Variants in MAPKAP1 observed in about 807,000 individuals in gnomAD.
MAPKAP1 encodes the protein target of rapamycin complex 2 subunit MAPKAP1.
MAPKAP1 carries 20 observed loss-of-function variants against 65.7 expected under a neutral mutation model. That is an observed-to-expected ratio of 0.30 (90% CI 0.21 to 0.44). The LOEUF (loss-of-function observed/expected upper bound fraction) is 0.44, where lower values mean the gene tolerates loss of function less well. Among genes scored for constraint, MAPKAP1 ranks in the 20% least tolerant of loss-of-function variants. MAPKAP1 has a pLI of 1.00. For missense variants in MAPKAP1, 423 were observed against 648.0 expected, an observed-to-expected ratio of 0.65 and a Z score of 3.77; for synonymous variants, 222 against 244.3, an observed-to-expected ratio of 0.91 and a Z score of 0.85.
At chr9:125,559,482 G>A (rs1173624230) in intron 6 of MAPKAP1, 151 bp downstream of exon 6, 11 of 652,284 alleles carry the variant, frequency 1.7e-5, no homozygotes, top group Middle Eastern at 4.3e-4. Context: ...TGCGAATGTC[G>A]TCCTCAGCAT....
Position 125,447,356 on chromosome 9 carries a change from C to T in MAPKAP1, c.1346-2758G>A, listed in dbSNP as rs1388627301. The T allele has an allele frequency of 2.2e-5, 10 of 455,998 alleles. No homozygotes were observed. The highest frequency in any genetic ancestry group is 4.0e-5 in the African/African-American group (2 of 50,152). The allele number at this position is 455,998 out of a possible 1,614,324, so 28.2% of individuals were successfully genotyped here. A position where few individuals can be genotyped will look rare whatever the true frequency, so the allele number is the denominator to read the frequency against. On this transcript the variant is annotated intron_variant, in intron 10 of 11. Transcript: ENST00000265960. The surrounding 1 kb of genome is among the most constrained non-coding windows in gnomAD (Gnocchi z 4.5). ...GGAGAGGGGAACAGAGGGCAGAGAA[C>T]GTTCTGTGGAGCACTTGTGTTTGGA... is the stretch of plus-strand genomic sequence containing the variant.
At chr9:125,651,242 GC>G (rs918480265) in intron 4 of MAPKAP1, among the ~76,000 whole-genome samples, 1 of 152,200 alleles carries the variant, frequency 6.6e-6, no homozygotes, top group African/African-American at 2.4e-5. Flanking sequence ...AGGAAGACTA[GC>G]AAAATACAGT....
intron 5 of MAPKAP1, among the ~76,000 whole-genome samples, chr9:125,582,915 G>A (rs935206790): frequency 1.3e-5 from 2 of 152,120 alleles, no homozygotes; most frequent in Non-Finnish European, 2.9e-5. Context: ...TTGGCTGAGG[G>A]CTCTGATCAT....
intron 10 of MAPKAP1, among the ~76,000 whole-genome samples, chr9:125,458,286 T>G (rs760437515): frequency 6.6e-6 from 1 of 151,166 alleles, no homozygotes; most frequent in Non-Finnish European, 1.5e-5. Flanking sequence ...CAGGGTCATA[T>G]GACAATAGTG....
chr9:125,577,601 G>A (rs1164811102), intron 5 of MAPKAP1, among the ~76,000 whole-genome samples: 6 of 96,032 alleles, frequency 6.2e-5, no homozygotes, highest in Admixed American at 1.0e-4. Context: ...CGCCCCGTCC[G>A]GGAGGGAGGT....
chr9:125,692,510 A>G (rs945206487), intron 1 of MAPKAP1, among the ~76,000 whole-genome samples: 1 of 152,244 alleles, frequency 6.6e-6, no homozygotes, highest in East Asian at 1.9e-4. Flanking sequence ...AAGTGGAGTG[A>G]CTATTAATGA....
chr9:125,477,982 G>A (rs1041845418), intron 9 of MAPKAP1: 3 of 152,242 alleles, frequency 2.0e-5, no homozygotes, highest in Admixed American at 6.5e-5. Context: ...TTCCAAGAAT[G>A]TTTTAGAGAA....
intron 4 of MAPKAP1, among the ~76,000 whole-genome samples, chr9:125,649,830 A>G (rs1228436417): frequency 6.6e-6 from 1 of 152,042 alleles, no homozygotes; most frequent in Non-Finnish European, 1.5e-5. Context: ...AAAGAAGAAA[A>G]TAAGAATCTT....
chr9:125,487,832 A>T (rs1854547712), intron 8 of MAPKAP1, among the ~76,000 whole-genome samples: 2 of 152,216 alleles, frequency 1.3e-5, no homozygotes, highest in South Asian at 4.1e-4. Flanking sequence ...CTTCTTACAG[A>T]AGCTACTGAA....
chr9:125,651,775 T>C (rs1423627475), intron 4 of MAPKAP1, among the ~76,000 whole-genome samples: 2 of 152,212 alleles, frequency 1.3e-5, no homozygotes, highest in Admixed American at 1.3e-4. Context: ...TTCCGTATTA[T>C]GCAGCCAACT....
At chr9:125,445,087 C>A (rs1453201694) in intron 10 of MAPKAP1, among the ~76,000 whole-genome samples, 2 of 152,068 alleles carry the variant, frequency 1.3e-5, no homozygotes, top group East Asian at 3.9e-4. Context: ...CAGTTTTAGA[C>A]CCTGCTGGAA....
At chr9:125,601,021 T>A (rs551532457) in intron 4 of MAPKAP1, among the ~76,000 whole-genome samples, 7 of 152,284 alleles carry the variant, frequency 4.6e-5, no homozygotes, top group South Asian at 4.1e-4. Flanking sequence ...TGGTTTTTTT[T>A]AAACCATAAA....
intron 7 of MAPKAP1, among the ~76,000 whole-genome samples, chr9:125,513,397 A>G (rs551055445): frequency 6.6e-6 from 1 of 152,334 alleles, no homozygotes; most frequent in South Asian, 2.1e-4. Context: ...ACTGTTTTCC[A>G]TTCACCAATT....
At chr9:125,675,495 A>C (rs1380834678) in intron 1 of MAPKAP1, among the ~76,000 whole-genome samples, 2 of 152,248 alleles carry the variant, frequency 1.3e-5, no homozygotes, top group African/African-American at 2.4e-5. Flanking sequence ...CCTCAACAGC[A>C]GCAGATATCT....
chr9:125,438,205 T>C lies in MAPKAP1; in HGVS notation c.*682A>G, dbSNP rs1317093411. Reference sequence around the variant, plus strand: ...GCTCCTGGGCTCTGAGGTCAGAAGCTGGGGTGTGCTGAAGGGGAAAGTGAC... The same window carrying C: ...GCTCCTGGGCTCTGAGGTCAGAAGCCGGGGTGTGCTGAAGGGGAAAGTGAC... On this transcript the variant is annotated 3_prime_UTR_variant, in exon 12 of 12. Transcript: ENST00000265960. 1.0e-5 allele frequency: 4 copies of C among 395,058 alleles called. No individual in the cohort carries two copies. Among genetic ancestry groups the C allele is most frequent in the African/African-American group, 6.2e-5 (3 of 48,536 alleles). 24.5% of individuals were successfully genotyped at this position (395,058 alleles called of 1,614,324 possible).
At chr9:125,566,342 A>G (rs76360773) in intron 5 of MAPKAP1, among the ~76,000 whole-genome samples, 2 of 152,264 alleles carry the variant, frequency 1.3e-5, no homozygotes, top group East Asian at 3.9e-4. Flanking sequence ...AGGCAGGCAG[A>G]CTGCTTGAGC....
intron 1 of MAPKAP1, among the ~76,000 whole-genome samples, chr9:125,680,929 T>C (rs1035811399): frequency 2.0e-5 from 3 of 152,214 alleles, no homozygotes; most frequent in Admixed American, 6.5e-5. Flanking sequence ...TATGCTTTCA[T>C]TAGGCAGAAA....
intron 1 of MAPKAP1, among the ~76,000 whole-genome samples, chr9:125,675,901 A>C (rs747154065): frequency 1.3e-5 from 2 of 152,216 alleles, no homozygotes; most frequent in Non-Finnish European, 2.9e-5. Context: ...CGTGCCCTTC[A>C]AAATTGTCCC....
intron 10 of MAPKAP1, among the ~76,000 whole-genome samples, chr9:125,450,372 C>A (rs1001852617): frequency 6.6e-6 from 1 of 152,208 alleles, no homozygotes; most frequent in Admixed American, 6.5e-5. Flanking sequence ...ATGCCATTCA[C>A]GGTCTCTTTC....
Sources: gnomAD v4.1 joint callset for allele counts (sites outside exome capture counted in the v4.1 genomes callset) on GRCh38, gnomAD v4.1.1 for gene constraint, Gnocchi (gnomAD v3.1) non-coding constraint, MANE v1.5 for transcripts, NCBI Gene and HGNC (gene_info 2026-07-23, HGNC 2026-07-21) for gene names.